The following PHF8 variants were observed in gnomAD, a reference collection of about 807,000 sequenced individuals.
PHF8 encodes PHD finger protein 8.
Under a neutral mutation model 74.4 loss-of-function variants are expected in PHF8, and 9 were observed. The ratio of observed to expected loss-of-function variants is 0.12; its 90% CI spans 0.07 to 0.21. PHF8 has a LOEUF of 0.21. PHF8 is among the 10% of genes least tolerant of loss of function. The pLI is 1.00. For missense variants in PHF8, 478 were observed against 816.6 expected (o/e 0.59, Z 5.05); for synonymous variants, 311 against 316.6 (o/e 0.98, Z 0.19).
chrX:53,998,229 G>A (rs1240856809), intron 11 of PHF8, among the ~76,000 whole-genome samples: 5 of 111,237 alleles, frequency 4.5e-5, no homozygotes, highest in African/African-American at 1.6e-4. Context: ...TGAGGTGGAT[G>A]GATCACTTGA....
intron 2 of PHF8, among the ~76,000 whole-genome samples, chrX:54,025,570 A>G (rs2066253969): frequency 9.0e-6 from 1 of 111,316 alleles, no homozygotes; most frequent in Admixed American, 9.6e-5. Context: ...AACATCCTAC[A>G]TGAAATCAGT....
chrX:53,970,991 T>A (rs1007115121), intron 18 of PHF8, among the ~76,000 whole-genome samples: 9 of 111,554 alleles, frequency 8.1e-5, no homozygotes, highest in African/African-American at 2.9e-4. Context: ...CTGGATCAAG[T>A]GGACCTGATA....
intron 12 of PHF8, chrX:53,995,268 C>T (rs2065728303): frequency 6.0e-6 from 2 of 334,005 alleles, no homozygotes; most frequent in Non-Finnish European, 1.2e-5. Flanking sequence ...ACTACAACTA[C>T]CACCACCACC....
At position 53,985,112 on chromosome X, in the gene PHF8, C is replaced by T. The variant is rs1218634086; in HGVS notation, c.2245G>A (p.Gly749Arg). ...ATSSLQAWWT[G>R]GQDRSSGSSS... is the part of the protein sequence containing the mutation. ...CTCCCACTGCTTCGATCCTGTCCCCCAGTCCACCAGGCCTGCAGGCTAGAG... is the reference window on the plus strand; with the variant it reads ...CTCCCACTGCTTCGATCCTGTCCCCTAGTCCACCAGGCCTGCAGGCTAGAG... The change falls in exon 18 of 22, where the codon GGG (glycine) becomes AGG (arginine). Residue 749 changes from glycine (G) to arginine (R), a missense_variant. By Grantham distance (125) the Gly-to-Arg change is moderately radical (BLOSUM62 -2). Transcript: ENST00000338154. The T allele has an allele frequency of 1.4e-5, 17 of 1,208,376 alleles. No homozygotes were observed. The Admixed American group carries it at 3.3e-4, about 23-fold the overall frequency.
intron 19 of PHF8, among the ~76,000 whole-genome samples, chrX:53,956,718 G>A (rs1395421567): frequency 1.8e-5 from 2 of 108,313 alleles, no homozygotes; most frequent in Admixed American, 2.0e-4. Context: ...ATGAAACAAA[G>A]GATGACTATT....
chrX:54,041,508 T>C (rs2066555568), intron 2 of PHF8, among the ~76,000 whole-genome samples: 1 of 111,750 alleles, frequency 8.9e-6, no homozygotes, highest in African/African-American at 3.2e-5. Flanking sequence ...ATACACTGTT[T>C]TGTTGTGCTC....
Position 54,000,051 on chromosome X carries a change from T to C in PHF8, c.1142-90A>G, listed in dbSNP as rs1334959668. On this transcript the variant is annotated intron_variant, in intron 10 of 21. Transcript: ENST00000338154. ...CTTTTGTTAAGACAACCAGAGAAAA[T>C]GCTCAAGGTTCTGAGCACAACTGCA... The C allele has an allele frequency of 7.0e-6, 4 of 570,874 alleles. No homozygotes were observed. In the Admixed American group the frequency reaches 1.0e-4, roughly 15 times the overall value. The allele number at this position is 570,874 out of a possible 1,213,427, so 47.0% of individuals were successfully genotyped here.
chrX:53,956,453 G>A (rs781895747), intron 19 of PHF8, among the ~76,000 whole-genome samples: 1 of 111,208 alleles, frequency 9.0e-6, no homozygotes, highest in East Asian at 2.8e-4. Context: ...CATCTTTTTG[G>A]GGGGAATACC....
chrX:53,945,336 C>T (rs2064817782), intron 19 of PHF8, among the ~76,000 whole-genome samples: 1 of 100,494 alleles, frequency 1.0e-5, no homozygotes, highest in Non-Finnish European at 2.0e-5. Context: ...CACAGCAAGA[C>T]TCCATCTCAA....
chrX:54,003,821 G>T (rs137931137), intron 8 of PHF8, among the ~76,000 whole-genome samples: 1,119 of 111,790 alleles, frequency 0.01, 15 homozygotes, highest in African/African-American at 0.034. Context: ...GTATCCATAA[G>T]CTGCTTCACA....
intron 18 of PHF8, among the ~76,000 whole-genome samples, chrX:53,967,675 G>C (rs1253384979): frequency 7.1e-5 from 8 of 113,117 alleles, no homozygotes; most frequent in African/African-American, 1.3e-4. Context: ...AATAGAAAGC[G>C]GGGAAAGGTG....
In PHF8 at chrX:53,979,250, C is replaced by T. The variant is rs193181785; in HGVS notation, c.2443+5664G>A. ...ACACAAAATTAGCCAGGCGTGGTGG[C>T]GTACACCTGTAATCCCAGCTACTTA... On this transcript the variant is annotated intron_variant, in intron 18 of 21. Transcript: ENST00000338154. Among the ~76,000 whole-genome samples, 273 of 110,398 alleles carry T rather than the reference C, an allele frequency of 2.5e-3. 1 individual carries two copies. The highest frequency in any genetic ancestry group is 2.9e-3 in the Non-Finnish European group (153 of 52,715).
chrX:53,995,853 G>T (rs188089268), intron 11 of PHF8, 71 bp from the exon 12 acceptor site: 16 of 598,517 alleles, frequency 2.7e-5, no homozygotes, highest in African/African-American at 2.4e-4. Flanking sequence ...AATATGCCAA[G>T]GCAATTCAAT....
intron 8 of PHF8, among the ~76,000 whole-genome samples, 182 bp from the exon 9 acceptor site, chrX:54,002,864 G>A (rs371834993): frequency 1.8e-5 from 2 of 111,914 alleles, no homozygotes; most frequent in African/African-American, 6.5e-5. Flanking sequence ...GACTCTTTGA[G>A]AGAAGCTGAG....
intron 19 of PHF8, among the ~76,000 whole-genome samples, chrX:53,952,006 C>A (rs2064930974): frequency 1.8e-5 from 2 of 110,855 alleles, no homozygotes; most frequent in Non-Finnish European, 3.8e-5. Context: ...TGCTAAAGGG[C>A]CAGGTGTGGT....
chrX:54,014,207 G>A (rs1046153618), intron 7 of PHF8, among the ~76,000 whole-genome samples, 170 bp downstream of exon 7: 9 of 111,044 alleles, frequency 8.1e-5, no homozygotes, highest in African/African-American at 2.3e-4. Context: ...CGCCCGCCTC[G>A]GCCTCCCAAA....
chrX:54,010,885 A>G (rs2065972970), intron 8 of PHF8, among the ~76,000 whole-genome samples: 1 of 111,530 alleles, frequency 9.0e-6, no homozygotes, highest in Non-Finnish European at 1.9e-5. Context: ...CCCAGATGAC[A>G]TCAACCCAGG....
intron 2 of PHF8, among the ~76,000 whole-genome samples, chrX:54,036,115 A>C (rs1253576735): frequency 2.8e-5 from 3 of 109,022 alleles, no homozygotes; most frequent in Non-Finnish European, 5.7e-5. Flanking sequence ...AAAAAAAAAA[A>C]AAAAAGAAAA....
At chrX:54,021,748 G>A (rs1450877121) in intron 4 of PHF8, among the ~76,000 whole-genome samples, 13 of 110,494 alleles carry the variant, frequency 1.2e-4, no homozygotes, top group Admixed American at 4.8e-4. Context: ...GATTACAGGC[G>A]TGAGCCACCG....
Sources: gnomAD v4.1 joint callset for allele counts (sites outside exome capture counted in the v4.1 genomes callset) on GRCh38, gnomAD v4.1.1 for gene constraint, MANE v1.5 for transcripts, NCBI Gene and HGNC (gene_info 2026-07-23, HGNC 2026-07-21) for gene names.